Variants in PRDM5 observed in about 807,000 individuals in gnomAD.
PRDM5 encodes PR domain zinc finger protein 5.
PRDM5 carries 56 observed loss-of-function variants against 81.2 expected under a neutral mutation model. That is an observed-to-expected ratio of 0.69 (90% CI 0.56 to 0.86). The LOEUF (loss-of-function observed/expected upper bound fraction) is 0.86. PRDM5 is among the 40% of genes least tolerant of loss of function. The probability of loss-of-function intolerance (pLI) is 0.00; values close to 1 mark genes in which losing one functional copy is unlikely to be tolerated. For synonymous variants in PRDM5, 267 were observed against 256.4 expected (o/e 1.04, Z -0.39); for missense variants, 697 against 770.1 (o/e 0.91, Z 1.12).
chr4:120,773,876 CCA>C (rs1290794349), intron 13 of PRDM5, among the ~76,000 whole-genome samples: 1 of 152,136 alleles, frequency 6.6e-6, no homozygotes, highest in Admixed American at 6.6e-5. Context: ...TCCTCTTAAA[CCA>C]CAGACTTTCA....
At chr4:120,852,892 C>T (rs1247713670) in intron 3 of PRDM5, among the ~76,000 whole-genome samples, 2 of 149,522 alleles carry the variant, frequency 1.3e-5, no homozygotes, top group African/African-American at 2.5e-5. Flanking sequence ...CTTGACCTCT[C>T]GGGCTCAAGT....
chr4:120,902,080 C>T (rs892314916), intron 2 of PRDM5, among the ~76,000 whole-genome samples: 5 of 152,192 alleles, frequency 3.3e-5, no homozygotes, highest in African/African-American at 1.2e-4. Context: ...CTACACAAAA[C>T]CTGTTGCAAG....
At chr4:120,858,379 C>T (rs1177163937) in intron 2 of PRDM5, among the ~76,000 whole-genome samples, 1 of 151,194 alleles carries the variant, frequency 6.6e-6, no homozygotes, top group Non-Finnish European at 1.5e-5. Context: ...CTCAAGTAGT[C>T]AATTCTGACG....
intron 2 of PRDM5, among the ~76,000 whole-genome samples, chr4:120,899,535 T>C (rs1482685643): frequency 1.3e-5 from 2 of 152,184 alleles, no homozygotes; most frequent in Non-Finnish European, 2.9e-5. Context: ...TATTGCATGC[T>C]GTAGGGATAG....
At chr4:120,720,550 T>C (rs1489304173) in intron 14 of PRDM5, among the ~76,000 whole-genome samples, 1 of 152,192 alleles carries the variant, frequency 6.6e-6, no homozygotes, top group African/African-American at 2.4e-5. Flanking sequence ...CGGCATGCCA[T>C]ATATCTAACA....
chr4:120,686,343 G>C (rs933701841), intron 1 of PRDM5, among the ~76,000 whole-genome samples: 3 of 151,962 alleles, frequency 2.0e-5, no homozygotes, highest in Admixed American at 6.6e-5. Flanking sequence ...ATATAGCTTT[G>C]AGTATCAACT....
chr4:120,773,145 C>T (rs1747541979), intron 13 of PRDM5, among the ~76,000 whole-genome samples: 1 of 152,078 alleles, frequency 6.6e-6, no homozygotes, highest in Non-Finnish European at 1.5e-5. Context: ...GATTGAGTTG[C>T]AAGCTGACCT....
intron 2 of PRDM5, among the ~76,000 whole-genome samples, chr4:120,889,651 C>T (rs559108074): frequency 3.7e-4 from 57 of 152,196 alleles, no homozygotes; most frequent in Admixed American, 1.5e-3. Context: ...GTGTGTTACA[C>T]GGTTTGGTAT....
At chr4:120,765,175 A>AT (rs1470459644) in intron 13 of PRDM5, among the ~76,000 whole-genome samples, 2 of 152,186 alleles carry the variant, frequency 1.3e-5, no homozygotes, top group African/African-American at 2.4e-5. Flanking sequence ...TAATATACTG[A>AT]TTTTTTATAT....
intron 13 of PRDM5, among the ~76,000 whole-genome samples, chr4:120,773,947 T>C (rs903755954): frequency 6.6e-6 from 1 of 152,230 alleles, no homozygotes; most frequent in Non-Finnish European, 1.5e-5. Flanking sequence ...CAAATGCAGG[T>C]ATTTTCTATA....
chr4:120,774,576 G>A (rs969087796), intron 13 of PRDM5, among the ~76,000 whole-genome samples: 1 of 152,168 alleles, frequency 6.6e-6, no homozygotes, highest in East Asian at 1.9e-4. Flanking sequence ...AAAGGGAAGC[G>A]AAAGCATCAT....
intron 1 of PRDM5, among the ~76,000 whole-genome samples, chr4:120,685,895 C>G (rs1175574678): frequency 1.3e-5 from 2 of 151,894 alleles, no homozygotes; most frequent in Non-Finnish European, 2.9e-5. Flanking sequence ...GAATTGTAAT[C>G]CCCTATGTTG....
chr4:120,687,014 T>A (rs1192813938), downstream of PRDM5, among the ~76,000 whole-genome samples: 1 of 152,042 alleles, frequency 6.6e-6, no homozygotes, highest in Non-Finnish European at 1.5e-5. Context: ...GAAGGTTAAA[T>A]CTCAACTCTA....
chr4:120,743,633 G>T (rs1177937442), intron 14 of PRDM5, among the ~76,000 whole-genome samples: 1 of 97,532 alleles, frequency 1.0e-5, no homozygotes, highest in Non-Finnish European at 2.1e-5. Context: ...TGCAATCCTA[G>T]TCTCTGATAA....
intron 14 of PRDM5, among the ~76,000 whole-genome samples, chr4:120,721,460 A>G (rs1462197743): frequency 6.6e-6 from 1 of 152,136 alleles, no homozygotes; most frequent in Non-Finnish European, 1.5e-5. Context: ...ATCCTCTACC[A>G]TAAGCATTGT....
At chr4:120,800,807 TTATGTTG>T (rs1752023678) in intron 8 of PRDM5, among the ~76,000 whole-genome samples, 1 of 152,202 alleles carries the variant, frequency 6.6e-6, no homozygotes, top group Non-Finnish European at 1.5e-5. Flanking sequence ...TCTCATCACA[TTATGTTG>T]TATAACTTAA....
At chr4:120,916,650 C>T (rs76647168) in intron 1 of PRDM5, among the ~76,000 whole-genome samples, 10,294 of 152,222 alleles carry the variant, frequency 0.068, 392 homozygotes, top group East Asian at 0.15. Flanking sequence ...TGCTGTCTAA[C>T]AGACATCTCA....
intron 14 of PRDM5, among the ~76,000 whole-genome samples, chr4:120,738,546 C>T (rs919513364): frequency 7.9e-5 from 12 of 152,130 alleles, no homozygotes; most frequent in African/African-American, 2.9e-4. Flanking sequence ...TCCTGGGTCT[C>T]CCAAATCTTT....
Position 120,784,566 on chromosome 4 carries a change from T to C in PRDM5, c.1282+432A>G, listed in dbSNP as rs774978239. On this transcript the variant is annotated intron_variant, in intron 11 of 15. Coordinates refer to ENST00000264808, the MANE Select transcript of PRDM5 (RefSeq NM_018699.4). ...CCTCAAATTAAGGTGTCCGATTAGA[T>C]GTGCACTCTGATCCTTTACAACTTG... Among the ~76,000 whole-genome samples, 86 of 152,138 alleles carry C rather than the reference T, an allele frequency of 5.7e-4. 1 individual carries two copies. Among genetic ancestry groups the C allele is most frequent in the Non-Finnish European group, 1.1e-3 (74 of 68,018 alleles).
Sources: allele counts gnomAD v4.1 joint callset (sites outside exome capture counted in the v4.1 genomes callset), GRCh38; gene constraint gnomAD v4.1.1; transcripts MANE v1.5; gene names NCBI Gene and HGNC (gene_info 2026-07-23, HGNC 2026-07-21).